OR1B1: variants seen among roughly 807,000 people sequenced by gnomAD.
OR1B1 encodes olfactory receptor family 1 subfamily B member 1, also known as olfactory receptor 1B1.
For missense variants in OR1B1, 414 were observed against 402.1 expected, an observed-to-expected ratio of 1.03 and a Z score of -0.25; for synonymous variants, 168 against 156.2, an observed-to-expected ratio of 1.08 and a Z score of -0.57.
At chr9:122,636,989 T>C in the OR1B1 span, 1 of 152,234 alleles carries the variant, frequency 6.6e-6, no homozygotes, top group Non-Finnish European at 1.5e-5. Context: ...AGGAAGTAAC[T>C]TTTTTCACAC....
At chr9:122,649,613 G>T in the OR1B1 span, among the ~76,000 whole-genome samples, 7 of 152,170 alleles carry the variant, frequency 4.6e-5, no homozygotes, top group African/African-American at 1.7e-4. Context: ...CTTCTCAAAA[G>T]AAGACATTTA....
the OR1B1 span, among the ~76,000 whole-genome samples, chr9:122,640,757 G>T: frequency 6.6e-6 from 1 of 152,180 alleles, no homozygotes; most frequent in Non-Finnish European, 1.5e-5. Context: ...CTGAATACTT[G>T]AATTTGCCTA....
At chr9:122,645,236 G>A in the OR1B1 span, among the ~76,000 whole-genome samples, 1 of 150,588 alleles carries the variant, frequency 6.6e-6, no homozygotes, top group Admixed American at 6.6e-5. Context: ...TGAAAATACA[G>A]TCAGAGGAGA....
the OR1B1 span, among the ~76,000 whole-genome samples, chr9:122,649,959 G>C: frequency 1.3e-5 from 2 of 152,092 alleles, no homozygotes; most frequent in Non-Finnish European, 2.9e-5. Flanking sequence ...TATGTTTATT[G>C]CAGCACTGTT....
chr9:122,635,032 A>G, the OR1B1 span, among the ~76,000 whole-genome samples: 1 of 152,320 alleles, frequency 6.6e-6, no homozygotes, highest in Non-Finnish European at 1.5e-5. Flanking sequence ...TCCTGGGTAT[A>G]CACCCGAAGG....
chr9:122,639,570 A>G, the OR1B1 span: 4 of 152,036 alleles, frequency 2.6e-5, no homozygotes, highest in African/African-American at 9.7e-5. Flanking sequence ...TATGTGAGTA[A>G]GTTTTTTGAC....
the OR1B1 span, among the ~76,000 whole-genome samples, chr9:122,639,844 A>G: frequency 6.6e-6 from 1 of 151,644 alleles, no homozygotes; most frequent in Non-Finnish European, 1.5e-5. Context: ...TTTTGCTTCC[A>G]AGGTTATAAA....
the OR1B1 span, among the ~76,000 whole-genome samples, chr9:122,637,970 A>C: frequency 6.6e-6 from 1 of 152,224 alleles, no homozygotes; most frequent in African/African-American, 2.4e-5. Flanking sequence ...AAATATTTTA[A>C]CTTGTGTTTC....
chr9:122,629,364 G>A (rs756038164), exon 1 of OR1B1: 6 of 1,614,100 alleles, frequency 3.7e-6, no homozygotes, highest in Non-Finnish European at 1.7e-6. Context: ...ATGGGTGAGT[G>A]CAGTCTGGAG....
chr9:122,636,934 T>G, the OR1B1 span, among the ~76,000 whole-genome samples: 308 of 152,344 alleles, frequency 2.0e-3, no homozygotes, highest in African/African-American at 7.0e-3. Context: ...CATATTCCGT[T>G]AAGAGAGTAT....
chr9:122,637,451 C>T, the OR1B1 span, among the ~76,000 whole-genome samples: 1 of 152,144 alleles, frequency 6.6e-6, no homozygotes, highest in Non-Finnish European at 1.5e-5. Flanking sequence ...TCTAGGATTG[C>T]CTTACTCTAG....
At chr9:122,638,523 T>G in the OR1B1 span, among the ~76,000 whole-genome samples, 2 of 152,150 alleles carry the variant, frequency 1.3e-5, no homozygotes, top group African/African-American at 2.4e-5. Context: ...CATCACACAT[T>G]CAGCACCAGG....
rs778278335 is a variant in OR1B1 at position 122,628,923 on chromosome 9, T to C, written c.613A>G (p.Ile205Val). 3.1e-6 allele frequency: 5 copies of C among 1,613,962 alleles called. No homozygotes were observed. In the Admixed American group the frequency reaches 5.0e-5, roughly 16 times the overall value. Residue 205 changes from isoleucine (I) to valine (V), a missense_variant, in exon 1 of 1, where the codon ATA (isoleucine) becomes GTA (valine). Coordinates refer to ENST00000623530, the Ensembl canonical transcript of OR1B1. ...ATAAGGAAGCCACCCTCAAAGAATA[T>C]GGCCAGCTCATTAGAATGTATGTCA... is the stretch of plus-strand genomic sequence containing the variant.
At chr9:122,635,167 G>C in the OR1B1 span, among the ~76,000 whole-genome samples, 2 of 152,104 alleles carry the variant, frequency 1.3e-5, no homozygotes, top group Non-Finnish European at 2.9e-5. Flanking sequence ...AGAAATTGTG[G>C]AATATTATTT....
At chr9:122,653,904 AT>A in the OR1B1 span, among the ~76,000 whole-genome samples, 1 of 152,198 alleles carries the variant, frequency 6.6e-6, no homozygotes, top group Non-Finnish European at 1.5e-5. Context: ...AGTGTTTATA[AT>A]TTAGTTTCCA....
the OR1B1 span, among the ~76,000 whole-genome samples, chr9:122,644,801 G>A: frequency 6.6e-6 from 1 of 152,182 alleles, no homozygotes; most frequent in Non-Finnish European, 1.5e-5. Context: ...CCCTTCCCTG[G>A]AGAGCTTTCC....
At chr9:122,640,995 A>ATAAG in the OR1B1 span, among the ~76,000 whole-genome samples, 1 of 152,244 alleles carries the variant, frequency 6.6e-6, no homozygotes, top group Non-Finnish European at 1.5e-5. Context: ...AAACAGTATA[A>ATAAG]TAAGTGATAT....
the OR1B1 span, among the ~76,000 whole-genome samples, chr9:122,646,824 AC>A: frequency 6.6e-6 from 1 of 152,198 alleles, no homozygotes; most frequent in Non-Finnish European, 1.5e-5. Context: ...AAGTAGAAAG[AC>A]TAAATGATGA....
chr9:122,655,480 G>A, the OR1B1 span, among the ~76,000 whole-genome samples: 7 of 152,138 alleles, frequency 4.6e-5, no homozygotes, highest in South Asian at 2.1e-4. Flanking sequence ...GCACATACAC[G>A]CCATGGAATA....
Sources: gnomAD v4.1 joint callset for allele counts (sites outside exome capture counted in the v4.1 genomes callset) on GRCh38, gnomAD v4.1.1 for gene constraint, MANE v1.5 for transcripts, NCBI Gene and HGNC (gene_info 2026-07-23, HGNC 2026-07-21) for gene names.